COL4A4: variants seen among roughly 807,000 people sequenced by gnomAD.
COL4A4 encodes the protein collagen alpha-4(IV) chain.
A neutral mutation model predicts 192.9 loss-of-function variants in COL4A4; 105 were observed. That is an observed-to-expected ratio of 0.54 (90% confidence interval 0.46 to 0.64). COL4A4 has a LOEUF of 0.64. Ranked by LOEUF, COL4A4 falls within the 30% of genes least tolerant of loss-of-function variation. COL4A4 has a pLI of 0.00. For missense variants in COL4A4, 1,967 were observed against 2,169.3 expected, an observed-to-expected ratio of 0.91 and a Z score of 1.85; for synonymous variants, 762 against 769.9, an observed-to-expected ratio of 0.99 and a Z score of 0.17.
At chr2:227,062,876 G>A (rs1006671610) in intron 25 of COL4A4, among the ~76,000 whole-genome samples, 55 of 152,260 alleles carry the variant, frequency 3.6e-4, no homozygotes, top group African/African-American at 1.3e-3. Context: ...ATCTATAAAA[G>A]CAATGTAGAT....
At position 227,067,475 on chromosome 2, in the gene COL4A4, T is replaced by C. The variant is rs1262843942; in HGVS notation, c.1988-4877A>G. ...TGACCACATACTTGGAAGTAAAGCA[T>C]TCCTCAGCAAATGTAAAAGAACAGA... On this transcript the variant is annotated intron_variant, in intron 25 of 47. Transcript: ENST00000396625. Among the ~76,000 whole-genome samples, 544 of 152,006 alleles carry C rather than the reference T, an allele frequency of 3.6e-3. 3 individuals are homozygous for C. The highest frequency in any genetic ancestry group is 0.012 in the African/African-American group (505 of 41,366).
intron 38 of COL4A4, 75 bp from the exon 39 acceptor site, chr2:227,032,351 C>T: frequency 6.5e-7 from 1 of 1,532,212 alleles, no homozygotes; most frequent in South Asian, 1.2e-5. Flanking sequence ...AAAGGAACCA[C>T]TTCCCAATAG....
intron 38 of COL4A4, 75 bp downstream of exon 38, chr2:227,033,335 A>G: frequency 7.9e-7 from 1 of 1,257,866 alleles, no homozygotes; most frequent in Non-Finnish European, 1.2e-6. Context: ...GTGCAGAAAT[A>G]CCAGGGAGGG....
chr2:227,041,850 GAAAGAA>G (rs1354705973), intron 37 of COL4A4, among the ~76,000 whole-genome samples: 3 of 64,118 alleles, frequency 4.7e-5, no homozygotes, highest in African/African-American at 2.3e-4. Flanking sequence ...GAAAGAAAGA[GAAAGAA>G]AGAAAGAAAG....
chr2:227,022,668 G>C (rs752488490), intron 43 of COL4A4, among the ~76,000 whole-genome samples: 6 of 152,168 alleles, frequency 3.9e-5, no homozygotes, highest in Non-Finnish European at 8.8e-5. Flanking sequence ...AGGATTGCTA[G>C]AGGCTCAGAA....
intron 44 of COL4A4, among the ~76,000 whole-genome samples, chr2:227,013,825 AG>A (rs1964319729): frequency 6.6e-6 from 1 of 152,170 alleles, no homozygotes; most frequent in African/African-American, 2.4e-5. Flanking sequence ...ATGATGATAA[AG>A]CTGAGGATGC....
rs181400428 is a variant in COL4A4 at position 227,080,597 on chromosome 2, A to G, written c.1697-48T>C. 40 of 1,520,202 alleles carry G rather than the reference A, an allele frequency of 2.6e-5. No individual in the cohort carries two copies. The Admixed American group carries it at 6.7e-4, about 25-fold the overall frequency. 94.2% of individuals were successfully genotyped at this position (1,520,202 alleles called of 1,614,324 possible). A position where few individuals can be genotyped will look rare whatever the true frequency, so the allele number is the denominator to read the frequency against. On this transcript the variant is annotated intron_variant, in intron 23 of 47. Coordinates refer to ENST00000396625, the MANE Select transcript of COL4A4 (RefSeq NM_000092.5). ...ATTCAAGCTCTTATCAGCAGAGGGT[A>G]AAGTAGGATAGAGAGGACAAAAAAT...
chr2:227,159,062 T>A (rs529677199), intron 1 of COL4A4, among the ~76,000 whole-genome samples: 1 of 152,182 alleles, frequency 6.6e-6, no homozygotes, highest in South Asian at 2.1e-4. Context: ...ACAATCCAAA[T>A]TCCCAAAAAT....
chr2:227,123,882 T>TC lies in COL4A4; in HGVS notation c.193-2735dup, dbSNP rs2061941535. ...TGAGCACCCAGGCTATGCGTCAGCC[T>TC]CCTGGGTTTGAAGCCCAGGACCACA... On this transcript the variant is annotated intron_variant, in intron 4 of 47. Transcript: ENST00000396625. This position sits in a 1 kb window ranked among gnomAD's most constrained non-coding sequence, Gnocchi z 4.6. Among the ~76,000 whole-genome samples, 1 of 152,224 alleles carries TC rather than the reference T, an allele frequency of 6.6e-6. No homozygotes were observed. The highest frequency in any genetic ancestry group is 2.1e-4 in the South Asian group (1 of 4,836).
chr2:226,974,368 G>A, the COL4A4 span, among the ~76,000 whole-genome samples: 1 of 151,986 alleles, frequency 6.6e-6, no homozygotes, highest in Non-Finnish European at 1.5e-5. Flanking sequence ...CTCCTGAGTA[G>A]CTGGAATTAC....
intron 31 of COL4A4, among the ~76,000 whole-genome samples, chr2:227,053,701 C>A (rs1559506347): frequency 6.6e-6 from 1 of 151,850 alleles, no homozygotes; most frequent in Non-Finnish European, 1.5e-5. Context: ...GTGCCCACCA[C>A]CACACCTGGC....
At chr2:227,019,510 C>T (rs1965568604) in intron 44 of COL4A4, among the ~76,000 whole-genome samples, 1 of 152,204 alleles carries the variant, frequency 6.6e-6, no homozygotes, top group Admixed American at 6.5e-5. Context: ...CGCCATCTCC[C>T]TGTTGAACAA....
intron 13 of COL4A4, 84 bp from the exon 14 acceptor site, chr2:227,103,281 T>C (rs978503836): frequency 6.2e-6 from 7 of 1,122,666 alleles, no homozygotes; most frequent in Non-Finnish European, 9.3e-6. Flanking sequence ...CATCTCTTTT[T>C]ACAATCTGTT....
intron 44 of COL4A4, among the ~76,000 whole-genome samples, chr2:227,020,899 G>T (rs1207194864): frequency 3.5e-4 from 15 of 42,752 alleles, no homozygotes; most frequent in African/African-American, 1.7e-3. Context: ...TTTTTTTTGA[G>T]ATGGAGTTTC....
intron 26 of COL4A4, among the ~76,000 whole-genome samples, chr2:227,062,321 GA>G (rs1285442236): frequency 6.6e-6 from 1 of 151,796 alleles, no homozygotes; most frequent in African/African-American, 2.4e-5. Context: ...ACAAAGATTT[GA>G]AAAGCCCATC....
At chr2:227,089,610 C>CATATATATAAATATATATATATATAT (rs1488061427) in intron 21 of COL4A4, among the ~76,000 whole-genome samples, 2 of 112,046 alleles carry the variant, frequency 1.8e-5, no homozygotes, top group African/African-American at 7.9e-5. Flanking sequence ...TATATATATA[C>CATATATATAAATATATATATATATAT]ATACATATAT....
intron 7 of COL4A4, among the ~76,000 whole-genome samples, chr2:227,116,343 A>T (rs1023918279): frequency 4.6e-5 from 7 of 152,200 alleles, no homozygotes; most frequent in African/African-American, 1.7e-4. Flanking sequence ...AGAAGGATCC[A>T]TTTCTATGTT....
rs767918316 is a variant in COL4A4, at chr2:227,082,103, G to A, written c.1696+12C>T. The A allele has an allele frequency of 1.2e-6, 2 of 1,613,058 alleles. No individual in the cohort carries two copies. The highest frequency in any genetic ancestry group is 1.7e-6 in the Non-Finnish European group (2 of 1,179,016). On this transcript the variant is annotated intron_variant, in intron 23 of 47. Transcript: ENST00000396625. ...TAAAATGGCAGGGAGTTAAGTGATT[G>A]ATTATGCTCACCTTTAACTCTTGAT... is the stretch of plus-strand genomic sequence containing the variant.
At chr2:227,045,921 GTATATGTATATATGTATATATGTA>G (rs761891415) in intron 35 of COL4A4, among the ~76,000 whole-genome samples, 2 of 61,692 alleles carry the variant, frequency 3.2e-5, no homozygotes, top group Non-Finnish European at 5.9e-5. Flanking sequence ...GTATGTATAT[GTATATGTATATATGTATATATGTA>G]TATATGTATA....
Sources: gnomAD v4.1 joint callset for allele counts (sites outside exome capture counted in the v4.1 genomes callset) on GRCh38, gnomAD v4.1.1 for gene constraint, Gnocchi (gnomAD v3.1) non-coding constraint, MANE v1.5 for transcripts, NCBI Gene and HGNC (gene_info 2026-07-23, HGNC 2026-07-21) for gene names.